PCSK5: variants seen among roughly 807,000 people sequenced by gnomAD.
The protein encoded by PCSK5 is prohormone convertase 5.
PCSK5 carries 129 observed loss-of-function variants against 233.2 expected under a neutral mutation model. The observed-to-expected ratio is 0.55, with a 90% CI of 0.48 to 0.64. The LOEUF is 0.64. Among genes scored for constraint, PCSK5 ranks in the 30% least tolerant of loss-of-function variants. The probability of loss-of-function intolerance (pLI) is 0.00; values close to 1 mark genes in which losing one functional copy is unlikely to be tolerated. For synonymous variants in PCSK5, 825 were observed against 879.2 expected, an observed-to-expected ratio of 0.94 and a Z score of 1.09; for missense variants, 2,076 against 2,430.1, an observed-to-expected ratio of 0.85 and a Z score of 3.06.
intron 21 of PCSK5, among the ~76,000 whole-genome samples, chr9:76,230,463 G>A (rs919746887): frequency 2.6e-5 from 4 of 152,110 alleles, no homozygotes; most frequent in African/African-American, 7.2e-5. Context: ...CCATTAATGG[G>A]AGATTACTTC....
At chr9:76,186,610 G>A (rs1197409464) in intron 17 of PCSK5, among the ~76,000 whole-genome samples, 1 of 152,170 alleles carries the variant, frequency 6.6e-6, no homozygotes, top group Non-Finnish European at 1.5e-5. Context: ...GGTGACTGCT[G>A]TCTGTTACAC....
At chr9:76,118,063 C>A (rs558287275) in intron 9 of PCSK5, among the ~76,000 whole-genome samples, 1 of 152,084 alleles carries the variant, frequency 6.6e-6, no homozygotes, top group Non-Finnish European at 1.5e-5. Flanking sequence ...CTGATAGCCT[C>A]ATTTTCCATA....
chr9:76,032,788 G>A (rs890284272), intron 5 of PCSK5, among the ~76,000 whole-genome samples: 2 of 152,094 alleles, frequency 1.3e-5, no homozygotes, highest in Non-Finnish European at 1.5e-5. Flanking sequence ...AATTATTGAT[G>A]TCTGAGTTAT....
chr9:76,334,250 G>A (rs1261375084), intron 34 of PCSK5, among the ~76,000 whole-genome samples: 1 of 152,154 alleles, frequency 6.6e-6, no homozygotes, highest in East Asian at 1.9e-4. Context: ...GGAATTATGG[G>A]AGTACAATTC....
chr9:76,196,143 A>G (rs899315414), intron 20 of PCSK5, among the ~76,000 whole-genome samples: 2 of 152,262 alleles, frequency 1.3e-5, no homozygotes, highest in Non-Finnish European at 2.9e-5. Flanking sequence ...AGGCTGTGAA[A>G]AAAAATCCAT....
chr9:76,167,918 A>C (rs984201947), intron 12 of PCSK5, among the ~76,000 whole-genome samples: 1 of 152,150 alleles, frequency 6.6e-6, no homozygotes, highest in Non-Finnish European at 1.5e-5. Flanking sequence ...CCCCTAAGAA[A>C]ATTTTAGAGA....
At chr9:76,223,793 G>A (rs770170753) in intron 20 of PCSK5, among the ~76,000 whole-genome samples, 3 of 152,144 alleles carry the variant, frequency 2.0e-5, no homozygotes, top group African/African-American at 4.8e-5. Flanking sequence ...TGTATATCAT[G>A]CCTGTCATAA....
chr9:75,929,705 C>A lies in PCSK5; in HGVS notation c.193-2674C>A, dbSNP rs80144884. Among the ~76,000 whole-genome samples, 1,369 of 152,140 alleles carry A rather than the reference C, an allele frequency of 9.0e-3. 19 individuals carry two copies. The highest frequency in any genetic ancestry group is 0.031 in the African/African-American group (1,270 of 41,502). On this transcript the variant is annotated intron_variant, in intron 1 of 37. Coordinates refer to ENST00000674117, the MANE Select transcript of PCSK5 (RefSeq NM_001372043.1). ...GACATACCCAAGACTGGACAATTTA[C>A]AAAGGAAAGAGGTTTAATGGACTTA...
At chr9:76,335,458 G>T (rs1043768029) in intron 34 of PCSK5, among the ~76,000 whole-genome samples, 2 of 152,110 alleles carry the variant, frequency 1.3e-5, no homozygotes, top group African/African-American at 4.8e-5. Context: ...GGAAAAGTAG[G>T]CATACACTTC....
intron 20 of PCSK5, chr9:76,193,488 C>G (rs1468279207): frequency 4.4e-6 from 3 of 676,282 alleles, no homozygotes; most frequent in East Asian, 5.7e-5. Context: ...TTCTTTCTCT[C>G]TCTCTCAAGT....
At chr9:76,271,670 T>TAAA (rs1191905882) in intron 24 of PCSK5, among the ~76,000 whole-genome samples, 1 of 142,998 alleles carries the variant, frequency 7.0e-6, no homozygotes, top group African/African-American at 2.6e-5. Flanking sequence ...ACCCCATTTC[T>TAAA]AAAAAAAAAA....
At chr9:76,222,797 G>T (rs974083244) in intron 20 of PCSK5, among the ~76,000 whole-genome samples, 3 of 152,116 alleles carry the variant, frequency 2.0e-5, no homozygotes, top group African/African-American at 7.2e-5. Flanking sequence ...AAAAACAACT[G>T]ATTTCATTAG....
chr9:76,345,174 TTTATTTTA>T (rs949512471), intron 35 of PCSK5, among the ~76,000 whole-genome samples: 33 of 151,458 alleles, frequency 2.2e-4, no homozygotes, highest in African/African-American at 7.8e-4. Flanking sequence ...GTTCCCTTAT[TTTATTTTA>T]TTATTTTATT....
intron 2 of PCSK5, among the ~76,000 whole-genome samples, chr9:75,948,140 C>T (rs1282015930): frequency 1.3e-5 from 2 of 152,090 alleles, no homozygotes; most frequent in African/African-American, 4.8e-5. Context: ...AGCCATCATG[C>T]CTGGCTTCCC....
intron 24 of PCSK5, among the ~76,000 whole-genome samples, chr9:76,252,161 G>T (rs532976882): frequency 1.3e-5 from 2 of 152,090 alleles, no homozygotes. Flanking sequence ...CCAGCTACTC[G>T]GGAGGCTGAG....
intron 2 of PCSK5, among the ~76,000 whole-genome samples, chr9:75,960,082 A>T (rs1302339390): frequency 6.6e-6 from 1 of 152,252 alleles, no homozygotes; most frequent in Non-Finnish European, 1.5e-5. Context: ...TCTATGATGG[A>T]GACAGAAGTG....
At chr9:75,914,875 T>G (rs1822914436) in intron 1 of PCSK5, among the ~76,000 whole-genome samples, 1 of 152,166 alleles carries the variant, frequency 6.6e-6, no homozygotes, top group East Asian at 1.9e-4. Flanking sequence ...GAGGTAGTAT[T>G]TTTTCCCCTA....
At chr9:75,977,606 A>G (rs1005281244) in intron 2 of PCSK5, among the ~76,000 whole-genome samples, 2 of 149,966 alleles carry the variant, frequency 1.3e-5, no homozygotes, top group Non-Finnish European at 3.0e-5. Flanking sequence ...AAATATGTAC[A>G]AGAGTGGGTT....
Position 76,023,743 on chromosome 9 carries a change from C to A in PCSK5, c.417C>A (p.Cys139Ter). ...GCATGCTCTTCTTCTTTCAGCACTGCAGTGACAATACACATCCCTGCCAGT... is the reference window on the plus strand; with the variant it reads ...GCATGCTCTTCTTCTTTCAGCACTGAAGTGACAATACACATCCCTGCCAGT... ...PKWPSMWYMH[C>*]SDNTHPCQSD... Residue 139 changes from cysteine (C) to a stop codon, truncating the protein, a stop_gained, in exon 4 of 38, where the codon TGC becomes TGA. Coordinates refer to ENST00000674117, the MANE Select transcript of PCSK5 (RefSeq NM_001372043.1). LOFTEE classifies it high-confidence loss of function. The A allele has an allele frequency of 6.2e-7, 1 of 1,610,084 alleles. No homozygotes were observed. Among genetic ancestry groups the A allele is most frequent in the Non-Finnish European group, 8.5e-7 (1 of 1,177,940 alleles).
Sources: gnomAD v4.1 joint callset for allele counts (sites outside exome capture counted in the v4.1 genomes callset) on GRCh38, gnomAD v4.1.1 for gene constraint, MANE v1.5 for transcripts, NCBI Gene and HGNC (gene_info 2026-07-23, HGNC 2026-07-21) for gene names.